Variants in PAX5 observed in about 807,000 individuals in gnomAD.
PAX5 encodes the protein paired box 5, also known as paired box protein Pax-5.
A neutral mutation model predicts 43.7 loss-of-function variants in PAX5; 9 were observed. That is an observed-to-expected ratio of 0.21 (90% CI 0.12 to 0.36). PAX5 has a LOEUF of 0.36. Ranked by LOEUF, PAX5 falls within the 10% of genes least tolerant of loss-of-function variation. PAX5 has a pLI of 1.00. For missense variants in PAX5, 383 were observed against 532.7 expected (o/e 0.72, Z 2.77); for synonymous variants, 228 against 214.3 (o/e 1.06, Z -0.56).
rs1397491113 is a variant in PAX5, at chr9:36,882,237, C to T, written c.911-132G>A. 2 of 633,460 alleles carry T rather than the reference C, an allele frequency of 3.2e-6. No individual in the cohort carries two copies. Among genetic ancestry groups the T allele is most frequent in the Non-Finnish European group, 5.5e-6 (2 of 365,990 alleles). 39.2% of individuals were successfully genotyped at this position (633,460 alleles called of 1,614,324 possible). A position where few individuals can be genotyped will look rare whatever the true frequency, so the allele number is the denominator to read the frequency against. On this transcript the variant is annotated intron_variant, in intron 7 of 9. Coordinates refer to ENST00000358127, the MANE Select transcript of PAX5 (RefSeq NM_016734.3). The surrounding 1 kb of genome is among the most constrained non-coding windows in gnomAD (Gnocchi z 4.4). Reference sequence around the variant, plus strand: ...ACGGCAATGTGCCCCCAGCTCCCCCCTGTCGCTCACACGCTCTCACAAACA... The same window carrying T: ...ACGGCAATGTGCCCCCAGCTCCCCCTTGTCGCTCACACGCTCTCACAAACA...
At chr9:37,003,922 G>A (rs772315768) in intron 4 of PAX5, among the ~76,000 whole-genome samples, 8 of 152,208 alleles carry the variant, frequency 5.3e-5, no homozygotes, top group Non-Finnish European at 7.3e-5. Context: ...AATCTGCTTC[G>A]CACTAATAAA....
chr9:36,965,940 T>C (rs1834388359), intron 6 of PAX5, among the ~76,000 whole-genome samples: 1 of 152,254 alleles, frequency 6.6e-6, no homozygotes, highest in South Asian at 2.1e-4. Flanking sequence ...GTGACTACTC[T>C]GCCCAGGGTA....
At chr9:36,971,907 C>T (rs1834951971) in intron 5 of PAX5, among the ~76,000 whole-genome samples, 1 of 152,248 alleles carries the variant, frequency 6.6e-6, no homozygotes, top group South Asian at 2.1e-4. Context: ...AGAAAGCTGT[C>T]TCTTGTGTGT....
At chr9:36,891,070 T>G (rs1587884575) in intron 7 of PAX5, among the ~76,000 whole-genome samples, 3 of 152,010 alleles carry the variant, frequency 2.0e-5, no homozygotes, top group African/African-American at 7.2e-5. Context: ...ACTTGGGAGG[T>G]GGAGGTTGCA....
chr9:36,910,101 A>T (rs892507147), intron 7 of PAX5, among the ~76,000 whole-genome samples: 3 of 152,114 alleles, frequency 2.0e-5, no homozygotes, highest in Admixed American at 2.0e-4. Context: ...TTTTTAAGGC[A>T]CTTTTAAATT....
intron 7 of PAX5, among the ~76,000 whole-genome samples, chr9:36,916,502 A>C (rs1466051411): frequency 6.6e-6 from 1 of 152,202 alleles, no homozygotes; most frequent in Non-Finnish European, 1.5e-5. Context: ...AATTATTTTG[A>C]ATTAATAGGT....
chr9:36,933,832 A>G (rs1485931178), intron 6 of PAX5, among the ~76,000 whole-genome samples: 1 of 151,878 alleles, frequency 6.6e-6, no homozygotes, highest in Non-Finnish European at 1.5e-5. Flanking sequence ...TCTGCCCTGG[A>G]CTCCCATGCA....
At chr9:37,013,719 C>T (rs1016776172) in intron 3 of PAX5, among the ~76,000 whole-genome samples, 4 of 152,170 alleles carry the variant, frequency 2.6e-5, no homozygotes, top group African/African-American at 9.7e-5. Flanking sequence ...GACAAAGAGC[C>T]CCTCTGGAAC....
intron 1 of PAX5, among the ~76,000 whole-genome samples, chr9:37,025,010 G>A (rs1840194973): frequency 6.6e-6 from 1 of 152,222 alleles, no homozygotes; most frequent in Admixed American, 6.5e-5. Context: ...TTTGTTTTGG[G>A]CTTACATTGC....
At chr9:36,986,886 C>T (rs1259875326) in intron 5 of PAX5, among the ~76,000 whole-genome samples, 1 of 152,246 alleles carries the variant, frequency 6.6e-6, no homozygotes, top group Non-Finnish European at 1.5e-5. Flanking sequence ...CTTTCTTCAC[C>T]GGCCACGAGT....
chr9:36,986,045 C>A (rs1388710693), intron 5 of PAX5, among the ~76,000 whole-genome samples: 1 of 152,052 alleles, frequency 6.6e-6, no homozygotes, highest in Non-Finnish European at 1.5e-5. Flanking sequence ...CAGGCCGGGT[C>A]CCGACGCCAG....
At chr9:36,926,240 C>T (rs879815482) in intron 6 of PAX5, among the ~76,000 whole-genome samples, 2 of 152,112 alleles carry the variant, frequency 1.3e-5, no homozygotes, top group Non-Finnish European at 2.9e-5. Context: ...ACTCTCAGTA[C>T]CTGATCCATT....
At chr9:37,014,942 A>G in intron 3 of PAX5, 55 bp downstream of exon 3, 1 of 1,487,148 alleles carries the variant, frequency 6.7e-7, no homozygotes, top group Admixed American at 1.7e-5. Flanking sequence ...CAGAGCCTCC[A>G]GGATGCCCTG....
intron 7 of PAX5, among the ~76,000 whole-genome samples, chr9:36,886,111 G>A (rs996799467): frequency 7.2e-5 from 11 of 152,118 alleles, no homozygotes; most frequent in African/African-American, 2.7e-4. Context: ...CACATGTGGA[G>A]CAGAGATGGA....
At chr9:36,881,951 C>T (rs944559256) in intron 8 of PAX5, 53 bp downstream of exon 8, 2 of 1,354,522 alleles carry the variant, frequency 1.5e-6, no homozygotes, top group South Asian at 2.5e-5. Context: ...GATGTCCCCC[C>T]ACCGAAACCC....
chr9:36,847,046 G>A, intron 8 of PAX5, 117 bp from the exon 9 acceptor site: 2 of 664,326 alleles, frequency 3.0e-6, no homozygotes, highest in South Asian at 1.8e-5. Flanking sequence ...GTGAGTTGCA[G>A]GCGCTTTTGT....
intron 6 of PAX5, among the ~76,000 whole-genome samples, chr9:36,948,231 C>T (rs1324729499): frequency 6.6e-6 from 1 of 152,242 alleles, no homozygotes; most frequent in African/African-American, 2.4e-5. Flanking sequence ...GCTCTTACCG[C>T]CTTGCCATGT....
chr9:36,862,860 C>T (rs1342125358), intron 8 of PAX5, among the ~76,000 whole-genome samples: 1 of 152,184 alleles, frequency 6.6e-6, no homozygotes. Flanking sequence ...TCTCTTTCGC[C>T]TCTCCATTTA....
At chr9:37,028,273 G>T (rs1477253523) in intron 1 of PAX5, among the ~76,000 whole-genome samples, 3 of 152,174 alleles carry the variant, frequency 2.0e-5, no homozygotes, top group Non-Finnish European at 1.5e-5. Context: ...GCAGAGTGGG[G>T]TTAACTAGAT....
Sources: allele counts gnomAD v4.1 joint callset (sites outside exome capture counted in the v4.1 genomes callset), GRCh38; gene constraint gnomAD v4.1.1; non-coding constraint Gnocchi (gnomAD v3.1); transcripts MANE v1.5; gene names NCBI Gene and HGNC (gene_info 2026-07-23, HGNC 2026-07-21).